The following SRP19 variants were observed in gnomAD, a reference collection of about 807,000 sequenced individuals.
The protein encoded by SRP19 is signal recognition particle 19.
SRP19 carries 11 observed loss-of-function variants against 22.4 expected under a neutral mutation model. That is an observed-to-expected ratio of 0.49 (90% CI 0.31 to 0.81). The LOEUF (loss-of-function observed/expected upper bound fraction) is 0.81. Among genes scored for constraint, SRP19 ranks in the 40% least tolerant of loss-of-function variants. SRP19 has a pLI of 0.05. For synonymous variants in SRP19, 61 were observed against 57.6 expected (o/e 1.06, Z -0.27); for missense variants, 168 against 175.9 (o/e 0.96, Z 0.25).
downstream of SRP19, among the ~76,000 whole-genome samples, chr5:112,873,393 CTG>C (rs1449076054): frequency 1.5e-5 from 2 of 135,598 alleles, no homozygotes; most frequent in Non-Finnish European, 3.1e-5. Context: ...GTCACCCAGA[CTG>C]GAGTGCAGTG....
intron 4 of SRP19, among the ~76,000 whole-genome samples, chr5:112,882,701 A>G (rs1580728659): frequency 6.6e-6 from 1 of 152,220 alleles, no homozygotes. Flanking sequence ...CTACAATGGC[A>G]GAGAAGAGTA....
intron 4 of SRP19, among the ~76,000 whole-genome samples, chr5:112,886,528 C>A (rs1768251076): frequency 6.6e-6 from 1 of 152,134 alleles, no homozygotes. Context: ...CCTGAGGGGG[C>A]TCTTTTCCCC....
At chr5:112,886,899 T>A in intron 4 of SRP19, 1 of 676,104 alleles carries the variant, frequency 1.5e-6, no homozygotes. Context: ...CCCAGAGTAA[T>A]GTTGGCATTT....
chr5:112,889,697 T>C lies in SRP19; in HGVS notation c.302-1906T>C, dbSNP rs189461405. Among the ~76,000 whole-genome samples, 7 of 150,514 alleles carry C rather than the reference T, an allele frequency of 4.7e-5. No individual in the cohort carries two copies. The East Asian group carries it at 6.1e-4, about 13-fold the overall frequency. On this transcript the variant is annotated intron_variant, in intron 4 of 4. Coordinates refer to the SRP19 transcript ENST00000391338. The stretch of plus-strand genomic sequence containing the variant: ...TAGATTTTAACATTTCCATCAGAAA[T>C]TGATATACTAGCCAGGCTTACACCT...
chr5:112,878,960 G>T, intron 4 of SRP19: 1 of 1,451,130 alleles, frequency 6.9e-7, no homozygotes, highest in South Asian at 1.2e-5. Flanking sequence ...GTTCAGGTGC[G>T]ATCATGTTGG....
At chr5:112,892,570 C>T (rs771238172) in exon 5 of SRP19, 51 of 1,613,994 alleles carry the variant, frequency 3.2e-5, no homozygotes, top group Admixed American at 5.0e-5. Flanking sequence ...CCCAGTGACC[C>T]GGTGGAAAAT....
exon 5 of SRP19, chr5:112,891,958 G>T (rs755182345): frequency 8.1e-6 from 10 of 1,237,544 alleles, no homozygotes; most frequent in African/African-American, 2.9e-5. Flanking sequence ...ATGGCTAGAA[G>T]AACAAGAGAG....
exon 5 of SRP19, chr5:112,892,118 A>T (rs1768482092): frequency 6.2e-7 from 1 of 1,613,984 alleles, no homozygotes; most frequent in South Asian, 1.1e-5. Flanking sequence ...ACATGGCAAA[A>T]CCCAGAACCA....
downstream of SRP19, chr5:112,894,657 T>C (rs180689963): frequency 6.6e-6 from 1 of 152,330 alleles, no homozygotes; most frequent in African/African-American, 2.4e-5. Context: ...ATTAACTATT[T>C]GGAGAGCAGC....
At chr5:112,873,642 C>T (rs920410106), downstream of SRP19, among the ~76,000 whole-genome samples, 8 of 152,026 alleles carry the variant, frequency 5.3e-5, no homozygotes, top group African/African-American at 1.4e-4. Context: ...CCACTGCACC[C>T]GGCCTTCTTT....
exon 5 of SRP19, chr5:112,892,390 G>A (rs183342096): frequency 5.0e-6 from 8 of 1,613,956 alleles, no homozygotes; most frequent in South Asian, 2.2e-5. Context: ...TGTGTTGCCC[G>A]AGTTCAAGAA....
intron 4 of SRP19, chr5:112,878,812 G>A (rs781404211): frequency 1.2e-6 from 2 of 1,614,130 alleles, no homozygotes; most frequent in Non-Finnish European, 1.7e-6. Context: ...TCTTCACCCA[G>A]TAAATTCACG....
At chr5:112,865,671 G>A (rs1767577423) in intron 4 of SRP19, among the ~76,000 whole-genome samples, 1 of 151,022 alleles carries the variant, frequency 6.6e-6, no homozygotes, top group Non-Finnish European at 1.5e-5. Flanking sequence ...TCAGCTCACT[G>A]CAACCTCCGA....
At chr5:112,873,893 G>A (rs1257080548), downstream of SRP19, among the ~76,000 whole-genome samples, 1 of 152,046 alleles carries the variant, frequency 6.6e-6, no homozygotes. Flanking sequence ...CCTGGGTGCT[G>A]TGGCTCACAC....
chr5:112,878,774 A>G (rs1169134489), intron 4 of SRP19: 1 of 1,614,174 alleles, frequency 6.2e-7, no homozygotes, highest in East Asian at 2.2e-5. Context: ...GGAAGTTTCC[A>G]TCCAGTCTGG....
At chr5:112,871,243 A>ATTTTTTTTTTTTTTTTTTTTT (rs10592964), downstream of SRP19, among the ~76,000 whole-genome samples, 2 of 93,934 alleles carry the variant, frequency 2.1e-5, no homozygotes, top group African/African-American at 4.8e-5. Context: ...CAATCAGTGA[A>ATTTTTTTTTTTTTTTTTTTTT]TTTTTTTTTT....
At chr5:112,877,561 G>T (rs1197240903) in intron 4 of SRP19, 2 of 152,150 alleles carry the variant, frequency 1.3e-5, no homozygotes, top group Non-Finnish European at 1.5e-5. Context: ...CATTTAAATG[G>T]ACTACAAGTG....
At position 112,869,779 on chromosome 5, in the gene SRP19, T is replaced by TC. The variant is rs961726018; in HGVS notation, c.*2244dup. The TC allele has an allele frequency of 6.6e-6, 1 of 152,250 alleles. No homozygotes were observed. The highest frequency in any genetic ancestry group is 2.4e-5 in the African/African-American group (1 of 41,434). 9.4% of individuals were successfully genotyped at this position (152,250 alleles called of 1,614,324 possible). ...TGGCGTTTCCCCTGCTTGCAGTCAC[T>TC]CCATCTTGCTGCCCTGTGAAGGTGC... On this transcript the variant is annotated 3_prime_UTR_variant, in exon 5 of 5. Coordinates refer to ENST00000505459, the MANE Select transcript of SRP19 (RefSeq NM_003135.3).
In SRP19 at chr5:112,887,090, C is replaced by T. The variant is rs34083474; in HGVS notation, c.302-4513C>T. 0.013 allele frequency: 20,226 copies of T among 1,613,564 alleles called. 175 individuals are homozygous for T. Among genetic ancestry groups the T allele is most frequent in the Middle Eastern group, 0.019 (113 of 5,828 alleles). On this transcript the variant is annotated intron_variant, in intron 4 of 4. Coordinates refer to the SRP19 transcript ENST00000391338. ...TTGACCACACTGTCCATCTGGGACT[C>T]GTGCTTCAGGAAGAAAGGACGGATG...
Sources: gnomAD v4.1 joint callset for allele counts (sites outside exome capture counted in the v4.1 genomes callset) on GRCh38, gnomAD v4.1.1 for gene constraint, MANE v1.5 for transcripts, NCBI Gene and HGNC (gene_info 2026-07-23, HGNC 2026-07-21) for gene names.